The following PLEKHG6 variants were observed in gnomAD, a reference collection of about 807,000 sequenced individuals.
The protein encoded by PLEKHG6 is pleckstrin homology and RhoGEF domain containing G6, also known as pleckstrin homology domain-containing family G member 6.
In PLEKHG6, 91 loss-of-function variants were observed where a neutral mutation model predicts 97.5. The observed-to-expected ratio is 0.93, with a 90% confidence interval of 0.79 to 1.11. The LOEUF is 1.11. Ranked by LOEUF, PLEKHG6 falls within the 50% of genes most tolerant of loss-of-function variation. The pLI is 0.00. For missense variants in PLEKHG6, 1,044 were observed against 1,031.0 expected, an observed-to-expected ratio of 1.01 and a Z score of -0.17; for synonymous variants, 466 against 425.5, an observed-to-expected ratio of 1.10 and a Z score of -1.17.
rs1947482142 is a variant in PLEKHG6 at position 6,316,918 on chromosome 12, G to A, written c.757-385G>A. On this transcript the variant is annotated intron_variant, in intron 7 of 15. Coordinates refer to ENST00000684764, the MANE Select transcript of PLEKHG6 (RefSeq NM_001384598.1). This position sits in a 1 kb window ranked among gnomAD's most constrained non-coding sequence, Gnocchi z 4.1. ...GGAGCCTTAGGTACCCCCTCCATAG[G>A]AGCAAGGCTTCTGAGCCAACTCTTA... Among the ~76,000 whole-genome samples, 1 of 152,144 alleles carries A rather than the reference G, an allele frequency of 6.6e-6. No individual in the cohort carries two copies. Among genetic ancestry groups the A allele is most frequent in the Non-Finnish European group, 1.5e-5 (1 of 68,016 alleles).
chr12:6,322,051 AT>A (rs1294987477), intron 13 of PLEKHG6, among the ~76,000 whole-genome samples: 1 of 152,190 alleles, frequency 6.6e-6, no homozygotes, highest in Non-Finnish European at 1.5e-5. Flanking sequence ...CAAAGCTGTC[AT>A]TCGGCTTAGG....
chr12:6,318,192 G>T, intron 10 of PLEKHG6, 109 bp from the exon 11 acceptor site: 1 of 1,547,290 alleles, frequency 6.5e-7, no homozygotes, highest in East Asian at 2.3e-5. Context: ...AGCCCATGGG[G>T]GAAGGATACA....
At chr12:6,314,475 C>T (rs1947382947) in intron 3 of PLEKHG6, among the ~76,000 whole-genome samples, 1 of 151,994 alleles carries the variant, frequency 6.6e-6, no homozygotes, top group Admixed American at 6.6e-5. Context: ...CCACTGCACT[C>T]CAGCCTGGGT....
At chr12:6,317,104 G>A (rs181294232) in intron 7 of PLEKHG6, among the ~76,000 whole-genome samples, 199 bp from the exon 8 acceptor site, 36 of 152,336 alleles carry the variant, frequency 2.4e-4, no homozygotes, top group Admixed American at 1.4e-3. Context: ...GGGACCTCAG[G>A]CTCCTTCGTG....
chr12:6,312,156 C>T lies in PLEKHG6; in HGVS notation c.-68-3C>T. ...CCTTCCATTCCTCTTTTCTCTCTTG[C>T]AGCCCTAGGGGACCTCTTTCTCCTG... On this transcript the variant is annotated splice_polypyrimidine_tract_variant and splice_region_variant and intron_variant, in intron 1 of 15. Transcript: ENST00000684764. 3 of 1,318,694 alleles carry T rather than the reference C, an allele frequency of 2.3e-6. No homozygotes were observed. The highest frequency in any genetic ancestry group is 3.0e-6 in the Non-Finnish European group (3 of 996,670). 81.7% of individuals were successfully genotyped at this position (1,318,694 alleles called of 1,614,324 possible). A position where few individuals can be genotyped will look rare whatever the true frequency, so the allele number is the denominator to read the frequency against.
At chr12:6,318,643 T>C (rs1473437513) in intron 11 of PLEKHG6, 102 bp from the exon 12 acceptor site, 2 of 1,337,246 alleles carry the variant, frequency 1.5e-6, no homozygotes, top group African/African-American at 1.4e-5. Context: ...GCTCTGCGTG[T>C]GTCCCTGTGT....
At chr12:6,317,753 C>A in intron 9 of PLEKHG6, 57 bp downstream of exon 9, 1 of 1,595,730 alleles carries the variant, frequency 6.3e-7, no homozygotes, top group South Asian at 1.1e-5. Context: ...AGGGGGGTCT[C>A]TTTCTTAGTG....
At chr12:6,319,340 T>G in intron 13 of PLEKHG6, 1 of 623,930 alleles carries the variant, frequency 1.6e-6, no homozygotes, top group Admixed American at 3.0e-5. Flanking sequence ...CCCCATTACT[T>G]GGGAGGCTGA....
Position 6,314,945 on chromosome 12 carries a change from G to A in PLEKHG6, c.295-60G>A. 2.6e-6 allele frequency: 4 copies of A among 1,533,794 alleles called. No homozygotes were observed. In the South Asian group the frequency reaches 3.5e-5, roughly 13 times the overall value. ...ATGCACACACACACAGCCCTCCCGG[G>A]GCCCTGTGGCTGGGTGCCAAGGATG... On this transcript the variant is annotated intron_variant, in intron 3 of 15. Transcript: ENST00000684764.
At position 6,326,568 on chromosome 12, in the gene PLEKHG6, G is replaced by C. The variant is rs770134208; in HGVS notation, c.1665G>C (p.Glu555Asp). 5.9e-6 allele frequency: 9 copies of C among 1,518,474 alleles called. No individual in the cohort carries two copies. In the African/African-American group the frequency reaches 7.2e-5, roughly 12 times the overall value. 94.1% of individuals were successfully genotyped at this position (1,518,474 alleles called of 1,614,324 possible). The change falls in exon 14 of 16, where the codon GAG (glutamate) becomes GAC (aspartate). Residue 555 changes from glutamate (E) to aspartate (D), a missense_variant. By Grantham distance (45) the Glu-to-Asp change is conservative. Coordinates refer to ENST00000684764, the MANE Select transcript of PLEKHG6 (RefSeq NM_001384598.1). ...PSLEGSQSSA[E>D]GRTPEFSTII... Reference sequence around the variant, plus strand: ...TGGAGGGCTCTCAGAGCAGCGCAGAGGGGAGGTAAGGCTCACACGGACTAC... The same window carrying C: ...TGGAGGGCTCTCAGAGCAGCGCAGACGGGAGGTAAGGCTCACACGGACTAC...
intron 13 of PLEKHG6, chr12:6,319,525 G>A (rs906186442): frequency 1.3e-6 from 2 of 1,519,426 alleles, no homozygotes; most frequent in African/African-American, 2.8e-5. Flanking sequence ...GAGGAGAGAG[G>A]CTGGGGTGGA....
chr12:6,316,307 G>C lies in PLEKHG6; in HGVS notation c.659G>C (p.Arg220Pro), dbSNP rs148443848. Residue 220 changes from arginine to proline, a missense_variant, in exon 7 of 16, where the codon CGG becomes CCG. Coordinates refer to ENST00000684764, the MANE Select transcript of PLEKHG6 (RefSeq NM_001384598.1). This position sits in a 1 kb window ranked among gnomAD's most constrained non-coding sequence, Gnocchi z 4.1. Reference protein sequence around the residue: ...GNVPSLIRTHRSFWDEVLGPT... With the variant: ...GNVPSLIRTHPSFWDEVLGPT... ...GTCCCCAGCCTGATTCGAACCCACC[G>C]GAGCTTTTGGGATGAGGTGCTGGGG... 1.3e-6 allele frequency: 2 copies of C among 1,556,598 alleles called. No homozygotes were observed. The highest frequency in any genetic ancestry group is 2.7e-5 in the African/African-American group (2 of 73,422).
At chr12:6,312,396 G>A in intron 2 of PLEKHG6, 32 bp downstream of exon 2, 1 of 1,555,186 alleles carries the variant, frequency 6.4e-7, no homozygotes, top group Non-Finnish European at 8.6e-7. Flanking sequence ...AAAGTGACCT[G>A]GTGGGGCAGG....
rs1262013336 is a variant in PLEKHG6 at position 6,316,650 on chromosome 12, A to T, written c.756+246A>T. 1.3e-5 allele frequency among the ~76,000 whole-genome samples: 2 copies of T among 152,126 alleles called. No homozygotes were observed. The highest frequency in any genetic ancestry group is 2.4e-5 in the African/African-American group (1 of 41,408). ...TGCAGCTGTCTCAGAGAAGGGTCAC[A>T]CCTTGGCTCCCATCAACTACAAAAG... On this transcript the variant is annotated intron_variant, in intron 7 of 15. Coordinates refer to ENST00000684764, the MANE Select transcript of PLEKHG6 (RefSeq NM_001384598.1). The surrounding 1 kb of genome is among the most constrained non-coding windows in gnomAD (Gnocchi z 4.1).
rs914235990 is a variant in PLEKHG6 at position 6,315,761 on chromosome 12, C to G, written c.556-108C>G. 1 of 1,235,084 alleles carries G rather than the reference C, an allele frequency of 8.1e-7. No individual in the cohort carries two copies. Among genetic ancestry groups the G allele is most frequent in the Non-Finnish European group, 1.1e-6 (1 of 875,618 alleles). The allele number at this position is 1,235,084 out of a possible 1,614,324, so 76.5% of individuals were successfully genotyped here. ...GGGAGGGGCAGGATTTCAGGCCAGT[C>G]TGGGATGCAGGGAGATAGGTCAGCA... On this transcript the variant is annotated intron_variant, in intron 5 of 15. Transcript: ENST00000684764. The surrounding 1 kb of genome is among the most constrained non-coding windows in gnomAD (Gnocchi z 4.5).
In PLEKHG6 at chr12:6,317,949, CG is replaced by C. The variant is rs758612963; in HGVS notation, c.1113del (p.Tyr373ThrfsTer23). On this transcript the variant is annotated frameshift_variant, in exon 10 of 16. Transcript: ENST00000684764. LOFTEE classifies it high-confidence loss of function. The stretch of plus-strand genomic sequence containing the variant: ...GCTTGGCGGCTGCAGCACAACGCAT[CG>C]GGCCCTACGAGGTGCTGGAGCCACC... ...ESLAAAAQRIGPYEVLEPPSD... is the reference protein window; with the variant it reads ...ESLAAAAQRIXPYEVLEPPSD... The C allele has an allele frequency of 3.2e-6, 5 of 1,582,690 alleles. No individual in the cohort carries two copies. The South Asian group carries it at 5.8e-5, about 18-fold the overall frequency.
intron 9 of PLEKHG6, 65 bp downstream of exon 9, chr12:6,317,761 G>C: frequency 6.3e-7 from 1 of 1,587,592 alleles, no homozygotes; most frequent in East Asian, 2.3e-5. Context: ...CTCTTTCTTA[G>C]TGTGTCTGTG....
chr12:6,327,750 C>T lies in PLEKHG6; in HGVS notation c.2167C>T (p.Leu723=), dbSNP rs1318434729. 1 of 1,546,948 alleles carries T rather than the reference C, an allele frequency of 6.5e-7. No homozygotes were observed. Among genetic ancestry groups the T allele is most frequent in the East Asian group, 2.3e-5 (1 of 44,402 alleles). ...GEEEEEGPLF[L]KAGHTSLRPM... ...GGAGGAAGAAGAGGGGCCTCTGTTC[C>T]TGAAAGCTGGCCACACATCCCTGCG... is the stretch of plus-strand genomic sequence containing the variant. Residue 723 remains leucine, a synonymous_variant, in exon 15 of 16, where the codon CTG becomes TTG. Coordinates refer to ENST00000684764, the MANE Select transcript of PLEKHG6 (RefSeq NM_001384598.1).
chr12:6,323,761 G>GC (rs1281798154), intron 13 of PLEKHG6, among the ~76,000 whole-genome samples: 1 of 152,242 alleles, frequency 6.6e-6, no homozygotes, highest in African/African-American at 2.4e-5. Context: ...CAGACAGTCC[G>GC]CAAGTGGCCA....
Sources: gnomAD v4.1 joint callset for allele counts (sites outside exome capture counted in the v4.1 genomes callset) on GRCh38, gnomAD v4.1.1 for gene constraint, Gnocchi (gnomAD v3.1) non-coding constraint, MANE v1.5 for transcripts, NCBI Gene and HGNC (gene_info 2026-07-23, HGNC 2026-07-21) for gene names.